The following RNF144A variants were observed in gnomAD, a reference collection of about 807,000 sequenced individuals.
The protein encoded by RNF144A is E3 ubiquitin-protein ligase RNF144A.
In RNF144A, 11 loss-of-function variants were observed where a neutral mutation model predicts 38.7. The ratio of observed to expected loss-of-function variants is 0.28; its 90% CI spans 0.18 to 0.47. The LOEUF is 0.47. RNF144A is among the 20% of genes least tolerant of loss of function. The pLI is 0.99. For synonymous variants in RNF144A, 149 were observed against 143.9 expected, an observed-to-expected ratio of 1.04 and a Z score of -0.25; for missense variants, 316 against 377.2, an observed-to-expected ratio of 0.84 and a Z score of 1.34.
intron 6 of RNF144A, among the ~76,000 whole-genome samples, chr2:7,022,489 T>G (rs1389691815): frequency 6.6e-6 from 1 of 152,236 alleles, no homozygotes. Flanking sequence ...CAAAATTTTA[T>G]GCATAGCACA....
chr2:6,994,134 CA>C (rs1287563063), intron 2 of RNF144A, among the ~76,000 whole-genome samples: 1 of 152,184 alleles, frequency 6.6e-6, no homozygotes, highest in Non-Finnish European at 1.5e-5. Context: ...CTTTACCCTG[CA>C]ACTTCCCCAA....
At chr2:7,020,759 C>A in intron 6 of RNF144A, 79 bp downstream of exon 6, 1 of 1,349,142 alleles carries the variant, frequency 7.4e-7, no homozygotes, top group South Asian at 1.2e-5. Context: ...CCTAAAAGTG[C>A]TGTTACAGTG....
chr2:6,971,568 T>G (rs1041185170), intron 2 of RNF144A, among the ~76,000 whole-genome samples: 1 of 152,150 alleles, frequency 6.6e-6, no homozygotes, highest in African/African-American at 2.4e-5. Context: ...ACTTTTGCAG[T>G]CTTCAGCTGT....
At chr2:7,055,874 G>T (rs1673720953) in intron 6 of RNF144A, among the ~76,000 whole-genome samples, 1 of 152,112 alleles carries the variant, frequency 6.6e-6, no homozygotes, top group South Asian at 2.1e-4. Flanking sequence ...CAGAGCAAGT[G>T]ACTTACCTTG....
chr2:6,994,511 T>C (rs1669598484), intron 2 of RNF144A, among the ~76,000 whole-genome samples: 1 of 152,064 alleles, frequency 6.6e-6, no homozygotes, highest in African/African-American at 2.4e-5. Flanking sequence ...ATGATGACAG[T>C]CATAAGCATA....
intron 7 of RNF144A, 111 bp downstream of exon 7, chr2:7,024,627 A>C (rs1050513215): frequency 8.2e-7 from 1 of 1,212,330 alleles, no homozygotes; most frequent in Non-Finnish European, 1.2e-6. Context: ...ACTCCTGTGT[A>C]ACAGTGAAGC....
At chr2:6,975,314 T>G (rs1422687689) in intron 2 of RNF144A, among the ~76,000 whole-genome samples, 2 of 152,090 alleles carry the variant, frequency 1.3e-5, no homozygotes, top group Non-Finnish European at 2.9e-5. Flanking sequence ...CCTACCCCCA[T>G]GCTTCCCACC....
chr2:7,044,292 T>TA, downstream of RNF144A: 3 of 716,328 alleles, frequency 4.2e-6, no homozygotes, highest in Non-Finnish European at 5.1e-6. Context: ...AAATATTCAA[T>TA]GTGGGAACTG....
rs1464729758 is a variant in RNF144A at position 6,943,976 on chromosome 2, C to G, written c.-12+2829C>G. On this transcript the variant is annotated intron_variant, in intron 2 of 8. Transcript: ENST00000320892. The surrounding 1 kb of genome is among the most constrained non-coding windows in gnomAD (Gnocchi z 4.3). Reference sequence around the variant, plus strand: ...GTGACTGCATGCTTCTCTAGACAGCCCTGATGGGGAGTTGAAGTGTGCAGG... The same window carrying G: ...GTGACTGCATGCTTCTCTAGACAGCGCTGATGGGGAGTTGAAGTGTGCAGG... Among the ~76,000 whole-genome samples, 1 of 152,048 alleles carries G rather than the reference C, an allele frequency of 6.6e-6. No homozygotes were observed. Among genetic ancestry groups the G allele is most frequent in the Non-Finnish European group, 1.5e-5 (1 of 68,012 alleles).
Position 7,020,629 on chromosome 2 carries a change from G to A in RNF144A, c.458G>A (p.Gly153Asp). The A allele has an allele frequency of 6.2e-7, 1 of 1,608,572 alleles. No individual in the cohort carries two copies. Among genetic ancestry groups the A allele is most frequent in the Non-Finnish European group, 8.5e-7 (1 of 1,179,980 alleles). The change falls in exon 6 of 9, where the codon GGC becomes GAC. Residue 153 changes from glycine to aspartate, a missense_variant. By Grantham distance (94) the Gly-to-Asp change is moderately conservative. Transcript: ENST00000320892. ...CSTCKASWHP[G>D]QGCPETMPIT... The stretch of plus-strand genomic sequence containing the variant: ...ACCTGCAAAGCCAGCTGGCACCCTG[G>A]CCAGGGCTGCCCGGAGACCATGCCG...
intron 1 of RNF144A, among the ~76,000 whole-genome samples, chr2:6,922,500 G>T (rs191240726): frequency 2.1e-4 from 32 of 152,242 alleles, no homozygotes; most frequent in Middle Eastern, 3.4e-3. Context: ...TGTGGAGCAG[G>T]GCATGTTTAT....
chr2:6,918,681 G>A (rs963310598), intron 1 of RNF144A: 1 of 144,596 alleles, frequency 6.9e-6, no homozygotes, highest in Non-Finnish European at 1.5e-5. Flanking sequence ...GGAGAATGGC[G>A]TGAACCCGGA....
intron 1 of RNF144A, among the ~76,000 whole-genome samples, chr2:6,935,404 G>A (rs184275992): frequency 1.0e-3 from 153 of 152,210 alleles, no homozygotes; most frequent in Middle Eastern, 6.8e-3. Flanking sequence ...GCAGCTCCCC[G>A]TTCCTCCTCC....
At chr2:6,939,054 G>T (rs1226411487) in intron 1 of RNF144A, among the ~76,000 whole-genome samples, 2 of 151,976 alleles carry the variant, frequency 1.3e-5, no homozygotes, top group Non-Finnish European at 2.9e-5. Context: ...TTCCTGTATA[G>T]GTTTTATTGT....
chr2:6,988,192 G>T (rs769455966), intron 2 of RNF144A, among the ~76,000 whole-genome samples: 17 of 152,168 alleles, frequency 1.1e-4, no homozygotes, highest in Non-Finnish European at 2.2e-4. Flanking sequence ...AGAAAATGAC[G>T]CAGGTAGTAC....
intron 2 of RNF144A, among the ~76,000 whole-genome samples, chr2:6,996,116 C>G (rs1028260690): frequency 6.6e-6 from 1 of 152,154 alleles, no homozygotes; most frequent in African/African-American, 2.4e-5. Context: ...AAAGATGCTA[C>G]GACATTTCTT....
chr2:7,069,977 C>A (rs577745108), downstream of RNF144A, among the ~76,000 whole-genome samples: 1 of 152,222 alleles, frequency 6.6e-6, no homozygotes. Flanking sequence ...AGTGCTAACA[C>A]GAAGACACAA....
At chr2:6,937,061 A>AT (rs1239147666) in intron 1 of RNF144A, among the ~76,000 whole-genome samples, 4 of 152,128 alleles carry the variant, frequency 2.6e-5, no homozygotes, top group Non-Finnish European at 5.9e-5. Flanking sequence ...CAGTACGTAC[A>AT]TTCCTGGTGT....
At chr2:6,935,994 T>G (rs1253759121) in intron 1 of RNF144A, among the ~76,000 whole-genome samples, 1 of 152,254 alleles carries the variant, frequency 6.6e-6, no homozygotes, top group Non-Finnish European at 1.5e-5. Context: ...GGGAGGTACC[T>G]TCAATATCTG....
Sources: gnomAD v4.1 joint callset for allele counts (sites outside exome capture counted in the v4.1 genomes callset) on GRCh38, gnomAD v4.1.1 for gene constraint, Gnocchi (gnomAD v3.1) non-coding constraint, MANE v1.5 for transcripts, NCBI Gene and HGNC (gene_info 2026-07-23, HGNC 2026-07-21) for gene names.